MYO10: variants seen among roughly 807,000 people sequenced by gnomAD.
The protein encoded by MYO10 is myosin X.
A neutral mutation model predicts 257.3 loss-of-function variants in MYO10; 133 were observed. That is an observed-to-expected ratio of 0.52 (90% confidence interval 0.45 to 0.60). MYO10 has a LOEUF of 0.60. Among genes scored for constraint, MYO10 ranks in the 20% least tolerant of loss-of-function variants. The probability of loss-of-function intolerance (pLI) is 0.00; values close to 1 mark genes in which losing one functional copy is unlikely to be tolerated. For missense variants in MYO10, 2,399 were observed against 2,635.7 expected, an observed-to-expected ratio of 0.91 and a Z score of 1.97; for synonymous variants, 1,104 against 1,028.6, an observed-to-expected ratio of 1.07 and a Z score of -1.40.
chr5:16,696,583 C>A (rs537118757), intron 26 of MYO10, among the ~76,000 whole-genome samples: 1 of 151,898 alleles, frequency 6.6e-6, no homozygotes, highest in Admixed American at 6.6e-5. Flanking sequence ...TGCTGCCGGG[C>A]GTGGTGTCTC....
intron 19 of MYO10, among the ~76,000 whole-genome samples, chr5:16,734,805 C>CA (rs10686505): frequency 0.16 from 20,942 of 131,208 alleles, 1,599 homozygotes; most frequent in Admixed American, 0.23. Context: ...AACTCTGTCT[C>CA]AAAAAAAAAA....
intron 35 of MYO10, among the ~76,000 whole-genome samples, chr5:16,674,398 G>C (rs113422781): frequency 7.1e-4 from 108 of 152,152 alleles, no homozygotes; most frequent in African/African-American, 2.5e-3. Context: ...GAACCCAGGA[G>C]GCAGATGTTG....
chr5:16,709,705 A>G (rs1320327663), intron 21 of MYO10, among the ~76,000 whole-genome samples: 1 of 152,232 alleles, frequency 6.6e-6, no homozygotes, highest in Non-Finnish European at 1.5e-5. Context: ...GACCCAGCTC[A>G]GCTGTGCCCC....
intron 30 of MYO10, among the ~76,000 whole-genome samples, chr5:16,683,298 TTACAAGATAA>T (rs1396701773): frequency 1.3e-5 from 2 of 152,126 alleles, no homozygotes; most frequent in African/African-American, 4.8e-5. Flanking sequence ...GAAGTAGAAC[TTACAAGATAA>T]TACAGAAAAA....
intron 1 of MYO10, among the ~76,000 whole-genome samples, chr5:16,921,401 G>A (rs894931458): frequency 3.3e-5 from 5 of 152,108 alleles, no homozygotes; most frequent in African/African-American, 1.2e-4. Context: ...AAGCCTTAGC[G>A]CAGTGGTTCC....
rs146825579 is a variant in MYO10, at chr5:16,756,590, A to G, written c.1848+1528T>C. Among the ~76,000 whole-genome samples the G allele has an allele frequency of 5.0e-3, 768 of 152,254 alleles. 8 individuals carry two copies. Among genetic ancestry groups the G allele is most frequent in the African/African-American group, 0.017 (722 of 41,544 alleles). On this transcript the variant is annotated intron_variant, in intron 18 of 40. Coordinates refer to ENST00000513610, the MANE Select transcript of MYO10 (RefSeq NM_012334.3). ...ACTTTAAAATTTCTCACAAGACAAA[A>G]CATCCTGACATTCACGGCCCTTCAT...
chr5:16,774,527 T>C (rs1741156851), intron 9 of MYO10, among the ~76,000 whole-genome samples: 1 of 152,104 alleles, frequency 6.6e-6, no homozygotes, highest in African/African-American at 2.4e-5. Context: ...GTTCACGCCA[T>C]TCTCCTGCCT....
Position 16,775,760 on chromosome 5 carries a change from G to A in MYO10, c.930+3785C>T, listed in dbSNP as rs773325764. Among the ~76,000 whole-genome samples, 9 of 151,558 alleles carry A rather than the reference G, an allele frequency of 5.9e-5. 1 individual carries two copies. The South Asian group carries it at 6.3e-4, about 11-fold the overall frequency. On this transcript the variant is annotated intron_variant, in intron 9 of 40. Transcript: ENST00000513610. Reference sequence around the variant, plus strand: ...TGGGACTACAGGCACGTGCCACCACGCCCAGCTAATTTTTGTATTTTTAGT... The same window carrying A: ...TGGGACTACAGGCACGTGCCACCACACCCAGCTAATTTTTGTATTTTTAGT...
chr5:16,887,256 G>A (rs552109139), intron 1 of MYO10, among the ~76,000 whole-genome samples: 1 of 152,194 alleles, frequency 6.6e-6, no homozygotes, highest in East Asian at 1.9e-4. Flanking sequence ...ATAGTAAGAG[G>A]TGGAGAGGAA....
At chr5:16,780,283 C>T (rs535364969) in intron 8 of MYO10, among the ~76,000 whole-genome samples, 72 of 144,654 alleles carry the variant, frequency 5.0e-4, no homozygotes, top group Non-Finnish European at 9.2e-4. Context: ...TAATAAACAT[C>T]CTTTACATTA....
chr5:16,819,962 C>G (rs1742748640), intron 2 of MYO10, among the ~76,000 whole-genome samples: 1 of 152,170 alleles, frequency 6.6e-6, no homozygotes, highest in Non-Finnish European at 1.5e-5. Flanking sequence ...AGCCACTGTC[C>G]CCAGCTGCTT....
rs538895727 is a variant in MYO10, at chr5:16,772,002, C to T, written c.931-2799G>A. On this transcript the variant is annotated intron_variant, in intron 9 of 40. Coordinates refer to ENST00000513610, the MANE Select transcript of MYO10 (RefSeq NM_012334.3). ...TGAAAATTTGTTTCAAGGAAAATTT[C>T]AAGAAAAGAAAAAAAACCTTTAGAA... is the stretch of plus-strand genomic sequence containing the variant. Among the ~76,000 whole-genome samples, 12 of 151,324 alleles carry T rather than the reference C, an allele frequency of 7.9e-5. No individual in the cohort carries two copies. The Middle Eastern group carries it at 0.01, about 129-fold the overall frequency.
rs937407307 is a variant in MYO10 at position 16,699,481 on chromosome 5, C to T, written c.3525G>A (p.Leu1175=). Residue 1175 remains leucine, a synonymous_variant, in exon 26 of 41, where the codon CTG becomes CTA. Transcript: ENST00000513610. ...TGTACAGAAAGCTGTGGAAATACGGCAGAGTGACACAGCTGTACACAGAGT... is the reference window on the plus strand; with the variant it reads ...TGTACAGAAAGCTGTGGAAATACGGTAGAGTGACACAGCTGTACACAGAGT... The part of the protein sequence containing the change: ...RRDSVYSCVT[L]PYFHSFLYMK... 11 of 1,613,814 alleles carry T rather than the reference C, an allele frequency of 6.8e-6. No individual in the cohort carries two copies. The highest frequency in any genetic ancestry group is 9.3e-6 in the Non-Finnish European group (11 of 1,179,844).
In MYO10 at chr5:16,676,048, C is replaced by T. The variant is rs1034211290; in HGVS notation, c.4649G>A (p.Gly1550Glu). Residue 1550 changes from glycine (G) to glutamate (E), a missense_variant, in exon 34 of 41, where the codon GGG becomes GAG. By Grantham distance (98) the Gly-to-Glu change is moderately conservative. This residue lies in a region of MYO10 where 1,820 missense variants were observed against 1,939.4 expected (regional missense o/e 0.94). Transcript: ENST00000513610. The part of the protein sequence containing the change: ...LHSPLLPLPY[G>E]DINLNLLKDK... ...GGACTTACAGTTGAGATTTATGTCC[C>T]CATACGGAAGGGGCAGGAGCGGGGA... 1.2e-6 allele frequency: 2 copies of T among 1,609,596 alleles called. No homozygotes were observed. Among genetic ancestry groups the T allele is most frequent in the African/African-American group, 2.7e-5 (2 of 74,560 alleles).
At chr5:16,806,088 T>C (rs1285550870) in intron 3 of MYO10, among the ~76,000 whole-genome samples, 2 of 152,228 alleles carry the variant, frequency 1.3e-5, no homozygotes, top group East Asian at 3.9e-4. Flanking sequence ...ATCACGCCTA[T>C]AATCCCAGCA....
At chr5:16,837,117 C>A (rs1743336393) in intron 2 of MYO10, among the ~76,000 whole-genome samples, 1 of 152,078 alleles carries the variant, frequency 6.6e-6, no homozygotes, top group Non-Finnish European at 1.5e-5. Flanking sequence ...TCGAGACCAG[C>A]CTGACCAACA....
rs539360039 is a variant in MYO10 at position 16,850,634 on chromosome 5, A to G, written c.120+26975T>C. Among the ~76,000 whole-genome samples, 8 of 152,156 alleles carry G rather than the reference A, an allele frequency of 5.3e-5. No homozygotes were observed. The East Asian group carries it at 1.6e-3, about 30-fold the overall frequency. On this transcript the variant is annotated intron_variant, in intron 2 of 40. Coordinates refer to ENST00000513610, the MANE Select transcript of MYO10 (RefSeq NM_012334.3). ...TGAAATATATCCTCAGTTAAATAGT[A>G]TATGACTCAAATGTCTGTTGGCAGG...
chr5:16,766,409 G>C (rs1740867985), intron 10 of MYO10, among the ~76,000 whole-genome samples: 1 of 152,138 alleles, frequency 6.6e-6, no homozygotes, highest in African/African-American at 2.4e-5. Flanking sequence ...GAATCCTATG[G>C]GTGTCCCCAA....
chr5:16,733,132 T>C (rs1048151145), intron 19 of MYO10, among the ~76,000 whole-genome samples: 5 of 151,884 alleles, frequency 3.3e-5, no homozygotes, highest in African/African-American at 1.2e-4. Context: ...AGACGCCATC[T>C]CAGAAAAAAC....
Sources: gnomAD v4.1 joint callset for allele counts (sites outside exome capture counted in the v4.1 genomes callset) on GRCh38, gnomAD v4.1.1 for gene constraint, gnomAD v4.1.1 regional missense constraint, MANE v1.5 for transcripts, NCBI Gene and HGNC (gene_info 2026-07-23, HGNC 2026-07-21) for gene names.